Variants in PTPRD observed in about 807,000 individuals in gnomAD.
PTPRD encodes receptor-type tyrosine-protein phosphatase delta.
PTPRD carries 34 observed loss-of-function variants against 214.5 expected under a neutral mutation model. The ratio of observed to expected loss-of-function variants is 0.16; its 90% CI spans 0.12 to 0.21. The LOEUF (loss-of-function observed/expected upper bound fraction) is 0.21, where lower values mean the gene tolerates loss of function less well. PTPRD is among the 10% of genes least tolerant of loss of function. The pLI, the probability that PTPRD is intolerant of heterozygous loss-of-function variation, is 1.00. For synonymous variants in PTPRD, 1,128 were observed against 845.7 expected (o/e 1.33, Z -5.79); for missense variants, 2,545 against 2,398.7 (o/e 1.06, Z -1.27).
At chr9:9,116,927 A>AT (rs1360500261) in intron 10 of PTPRD, among the ~76,000 whole-genome samples, 1 of 152,144 alleles carries the variant, frequency 6.6e-6, no homozygotes, top group Admixed American at 6.6e-5. Flanking sequence ...GCTTGTTACC[A>AT]TGCCTGACCC....
At chr9:10,250,074 G>C (rs1157627921) in intron 3 of PTPRD, among the ~76,000 whole-genome samples, 3 of 152,002 alleles carry the variant, frequency 2.0e-5, no homozygotes, top group Non-Finnish European at 4.4e-5. Context: ...TCTAGTTACT[G>C]TACTTTTCAT....
chr9:9,942,617 C>A (rs189776214), intron 4 of PTPRD, among the ~76,000 whole-genome samples: 43 of 152,210 alleles, frequency 2.8e-4, no homozygotes, highest in African/African-American at 9.9e-4. Flanking sequence ...CGACAATCTA[C>A]AAGATTGCTT....
chr9:10,312,841 G>A (rs2096305052), intron 3 of PTPRD, among the ~76,000 whole-genome samples: 1 of 150,794 alleles, frequency 6.6e-6, no homozygotes, highest in Non-Finnish European at 1.5e-5. Flanking sequence ...GAGCAAATGT[G>A]AAAGTTTGAA....
chr9:9,252,342 T>C (rs1028198092), intron 9 of PTPRD, among the ~76,000 whole-genome samples: 2 of 152,088 alleles, frequency 1.3e-5, no homozygotes, highest in African/African-American at 4.8e-5. Context: ...TTATTATCAA[T>C]GGGTAAGGCA....
chr9:10,275,069 A>T (rs1246214080), intron 3 of PTPRD, among the ~76,000 whole-genome samples: 1 of 152,206 alleles, frequency 6.6e-6, no homozygotes. Context: ...TCACATTTCA[A>T]TAGGGCTGCT....
At chr9:9,132,831 C>G (rs1447025673) in intron 10 of PTPRD, among the ~76,000 whole-genome samples, 1 of 152,046 alleles carries the variant, frequency 6.6e-6, no homozygotes, top group Non-Finnish European at 1.5e-5. Context: ...TAGATACTCA[C>G]TTTGTTTTTA....
At chr9:9,099,480 T>A (rs1235842860) in intron 10 of PTPRD, among the ~76,000 whole-genome samples, 6 of 152,178 alleles carry the variant, frequency 3.9e-5, no homozygotes, top group Non-Finnish European at 5.9e-5. Flanking sequence ...CGATACTTTT[T>A]ATGCCTGCCT....
chr9:8,797,817 T>C (rs58693113), intron 11 of PTPRD, among the ~76,000 whole-genome samples: 18,126 of 152,172 alleles, frequency 0.12, 1,273 homozygotes, highest in East Asian at 0.35. Flanking sequence ...TTTGTATTTA[T>C]TCACTTTAGT....
intron 5 of PTPRD, among the ~76,000 whole-genome samples, chr9:9,780,346 T>C (rs2098833415): frequency 6.6e-6 from 1 of 152,032 alleles, no homozygotes. Flanking sequence ...ATGTAACAAA[T>C]CTGCATATGT....
intron 8 of PTPRD, among the ~76,000 whole-genome samples, chr9:9,452,659 G>GCT (rs1315687790): frequency 6.6e-6 from 1 of 151,088 alleles, no homozygotes; most frequent in African/African-American, 2.4e-5. Flanking sequence ...GAAAGGATTT[G>GCT]CTAAGGATTC....
At chr9:9,807,501 C>T (rs929088756) in intron 5 of PTPRD, among the ~76,000 whole-genome samples, 1 of 152,058 alleles carries the variant, frequency 6.6e-6, no homozygotes, top group Non-Finnish European at 1.5e-5. Flanking sequence ...AGATAGATTC[C>T]CTCTGCTCTG....
intron 21 of PTPRD, among the ~76,000 whole-genome samples, chr9:8,510,810 A>C (rs2137807086): frequency 6.6e-6 from 1 of 152,240 alleles, no homozygotes; most frequent in East Asian, 1.9e-4. Context: ...AATTTTTTTA[A>C]ATAAGGTATA....
At chr9:9,689,282 C>T (rs2154402558) in intron 7 of PTPRD, among the ~76,000 whole-genome samples, 2 of 151,822 alleles carry the variant, frequency 1.3e-5, no homozygotes, top group Admixed American at 1.3e-4. Flanking sequence ...ATGGTAACAT[C>T]TTCAAAAGTT....
chr9:8,809,089 T>C (rs1003609505), intron 11 of PTPRD, among the ~76,000 whole-genome samples: 10 of 152,180 alleles, frequency 6.6e-5, no homozygotes, highest in African/African-American at 2.4e-4. Context: ...AAGCTAGTTG[T>C]TACACCACTT....
At chr9:9,218,853 T>C (rs1187173987) in intron 9 of PTPRD, among the ~76,000 whole-genome samples, 1 of 152,102 alleles carries the variant, frequency 6.6e-6, no homozygotes, top group Non-Finnish European at 1.5e-5. Flanking sequence ...CCCCACATTC[T>C]CCAGAGGCAA....
chr9:9,741,075 G>C (rs139623913), intron 6 of PTPRD, among the ~76,000 whole-genome samples: 1 of 152,144 alleles, frequency 6.6e-6, no homozygotes, highest in African/African-American at 2.4e-5. Flanking sequence ...GGGCAACCGG[G>C]TGATGATATC....
intron 10 of PTPRD, among the ~76,000 whole-genome samples, chr9:9,051,212 C>T (rs1211121013): frequency 2.7e-5 from 4 of 150,862 alleles, no homozygotes; most frequent in African/African-American, 9.7e-5. Context: ...TTTACAATTA[C>T]ATCTGTCAAT....
intron 5 of PTPRD, among the ~76,000 whole-genome samples, chr9:9,774,592 C>A (rs1205859118): frequency 6.6e-6 from 1 of 152,156 alleles, no homozygotes; most frequent in Non-Finnish European, 1.5e-5. Context: ...AATATCTGTA[C>A]CTATAAAACA....
At chr9:9,838,586 C>T in intron 5 of PTPRD, among the ~76,000 whole-genome samples, 2 of 152,104 alleles carry the variant, frequency 1.3e-5, no homozygotes. Flanking sequence ...AGTGTCTGTT[C>T]ATGTCCTTCA....
Sources: gnomAD v4.1 joint callset for allele counts (sites outside exome capture counted in the v4.1 genomes callset) on GRCh38, gnomAD v4.1.1 for gene constraint, MANE v1.5 for transcripts, NCBI Gene and HGNC (gene_info 2026-07-23, HGNC 2026-07-21) for gene names.